Variants in RETREG1 observed in about 807,000 individuals in gnomAD.
RETREG1 encodes family with sequence similarity 134 member B.
Under a neutral mutation model 54.8 loss-of-function variants are expected in RETREG1, and 44 were observed. That is an observed-to-expected ratio of 0.80 (90% CI 0.63 to 1.03). The LOEUF (loss-of-function observed/expected upper bound fraction) is 1.03, where lower values mean the gene tolerates loss of function less well. Ranked by LOEUF, RETREG1 falls within the 50% of genes least tolerant of loss-of-function variation. RETREG1 has a pLI of 0.00. For synonymous variants in RETREG1, 217 were observed against 238.5 expected, an observed-to-expected ratio of 0.91 and a Z score of 0.83; for missense variants, 554 against 605.1, an observed-to-expected ratio of 0.92 and a Z score of 0.89.
rs145101752 is a variant in RETREG1, at chr5:16,608,275, T to C, written c.320+8377A>G. ...ACCAAACCTTTTTTAACATCTACAG[T>C]GTTTCAGATCTCATGTGGATCCGGC... On this transcript the variant is annotated intron_variant, in intron 1 of 8. Transcript: ENST00000306320. Among the ~76,000 whole-genome samples the C allele has an allele frequency of 1.7e-3, 253 of 152,196 alleles. 1 individual carries two copies. Among genetic ancestry groups the C allele is most frequent in the African/African-American group, 5.6e-3 (231 of 41,526 alleles).
intron 1 of RETREG1, among the ~76,000 whole-genome samples, chr5:16,579,843 C>T (rs1742434949): frequency 6.6e-6 from 1 of 152,170 alleles, no homozygotes; most frequent in East Asian, 1.9e-4. Context: ...TAAAATTTAT[C>T]CATTCACCTT....
chr5:16,549,309 G>A (rs1741469013), intron 3 of RETREG1, among the ~76,000 whole-genome samples: 1 of 152,116 alleles, frequency 6.6e-6, no homozygotes, highest in Non-Finnish European at 1.5e-5. Flanking sequence ...AACTTTCTAA[G>A]TGCTCTACAC....
At chr5:16,550,551 C>T (rs1424047061) in intron 3 of RETREG1, among the ~76,000 whole-genome samples, 2 of 152,218 alleles carry the variant, frequency 1.3e-5, no homozygotes, top group African/African-American at 4.8e-5. Flanking sequence ...CTACTGCAAG[C>T]TGCCAGGCTG....
intron 1 of RETREG1, among the ~76,000 whole-genome samples, chr5:16,612,472 C>G (rs534106398): frequency 1.3e-5 from 2 of 152,284 alleles, no homozygotes; most frequent in South Asian, 4.2e-4. Flanking sequence ...AATGTTTACC[C>G]TTCTGTACAT....
In RETREG1 at chr5:16,599,792, G is replaced by T. The variant is rs141400982; in HGVS notation, c.320+16860C>A. Among the ~76,000 whole-genome samples, 1,175 of 152,260 alleles carry T rather than the reference G, an allele frequency of 7.7e-3. 20 individuals carry two copies. Among genetic ancestry groups the T allele is most frequent in the African/African-American group, 0.027 (1,127 of 41,530 alleles). On this transcript the variant is annotated intron_variant, in intron 1 of 8. Transcript: ENST00000306320. ...AATCAAAAGTAAAAATACTGACAAA[G>T]ATATGCATGCATGAGGCTAAAAGCA...
intron 2 of RETREG1, among the ~76,000 whole-genome samples, chr5:16,566,612 T>C (rs1237181245): frequency 6.6e-6 from 1 of 152,248 alleles, no homozygotes; most frequent in Non-Finnish European, 1.5e-5. Context: ...TAAATCCTTC[T>C]TAACCTTTAC....
At position 16,518,472 on chromosome 5, in the gene RETREG1, G is replaced by T. The variant is rs563939519; in HGVS notation, c.459-35000C>A. On this transcript the variant is annotated intron_variant, in intron 3 of 8. Coordinates refer to ENST00000306320, the MANE Select transcript of RETREG1 (RefSeq NM_001034850.3). ...TTCTTCTGTGGCTTAGGGAAATAATGAGTATTTTCCATCTTATCCTTTTGC... is the reference window on the plus strand; with the variant it reads ...TTCTTCTGTGGCTTAGGGAAATAATTAGTATTTTCCATCTTATCCTTTTGC... Among the ~76,000 whole-genome samples the T allele has an allele frequency of 6.6e-5, 10 of 151,878 alleles. No individual in the cohort carries two copies. In the South Asian group the frequency reaches 2.1e-3, roughly 32 times the overall value.
chr5:16,537,777 CAGCATGCAGCAT>C (rs1209033189), intron 3 of RETREG1, among the ~76,000 whole-genome samples: 1 of 151,992 alleles, frequency 6.6e-6, no homozygotes, highest in Non-Finnish European at 1.5e-5. Flanking sequence ...ATGCAGCATG[CAGCATGCAGCAT>C]GCAGCACAGC....
intron 1 of RETREG1, among the ~76,000 whole-genome samples, chr5:16,602,184 C>T (rs1425957984): frequency 6.6e-6 from 1 of 152,128 alleles, no homozygotes; most frequent in Non-Finnish European, 1.5e-5. Flanking sequence ...ATCAAGAACT[C>T]GTGATAAATG....
At chr5:16,508,084 G>A (rs1381357173) in intron 3 of RETREG1, among the ~76,000 whole-genome samples, 1 of 152,176 alleles carries the variant, frequency 6.6e-6, no homozygotes, top group Non-Finnish European at 1.5e-5. Context: ...CCTGTAAAGG[G>A]AACCCAAGTA....
chr5:16,544,635 C>G (rs911324659), intron 3 of RETREG1, among the ~76,000 whole-genome samples: 4 of 152,154 alleles, frequency 2.6e-5, no homozygotes, highest in African/African-American at 4.8e-5. Context: ...TTTTTGCATA[C>G]GGGTATTAAA....
At chr5:16,548,513 A>G (rs966277713) in intron 3 of RETREG1, among the ~76,000 whole-genome samples, 2 of 152,170 alleles carry the variant, frequency 1.3e-5, no homozygotes, top group African/African-American at 2.4e-5. Context: ...ATAAATGTGC[A>G]TTGTATGACA....
intron 1 of RETREG1, among the ~76,000 whole-genome samples, chr5:16,612,080 A>AAT (rs1743359926): frequency 6.6e-6 from 1 of 150,956 alleles, no homozygotes; most frequent in Non-Finnish European, 1.5e-5. Context: ...AAAAAAAAAA[A>AAT]GGACATCACC....
chr5:16,575,461 C>A (rs756497791), intron 1 of RETREG1, among the ~76,000 whole-genome samples: 5 of 152,156 alleles, frequency 3.3e-5, no homozygotes, highest in Non-Finnish European at 5.9e-5. Context: ...TTTTCAAAAC[C>A]AATGAAATGC....
intron 3 of RETREG1, among the ~76,000 whole-genome samples, chr5:16,490,475 C>A (rs1012967179): frequency 2.0e-5 from 3 of 152,124 alleles, no homozygotes; most frequent in African/African-American, 7.2e-5. Context: ...AGTTTGTTAA[C>A]AATTCAAATA....
chr5:16,579,703 C>T (rs938605340), intron 1 of RETREG1, among the ~76,000 whole-genome samples: 2 of 152,224 alleles, frequency 1.3e-5, no homozygotes, highest in Admixed American at 1.3e-4. Flanking sequence ...GTTGTGATCA[C>T]ACAGTATGTG....
intron 1 of RETREG1, among the ~76,000 whole-genome samples, chr5:16,582,279 T>G (rs769962315): frequency 1.3e-5 from 2 of 152,226 alleles, no homozygotes; most frequent in Non-Finnish European, 2.9e-5. Flanking sequence ...TGATGATTGC[T>G]CTAAAAAAGA....
At chr5:16,552,300 C>T (rs918346115) in intron 3 of RETREG1, among the ~76,000 whole-genome samples, 2 of 152,194 alleles carry the variant, frequency 1.3e-5, no homozygotes, top group African/African-American at 2.4e-5. Flanking sequence ...TCCACACAAT[C>T]ACTTGCAAAT....
At chr5:16,578,214 A>G (rs547427914) in intron 1 of RETREG1, among the ~76,000 whole-genome samples, 1 of 152,352 alleles carries the variant, frequency 6.6e-6, no homozygotes, top group South Asian at 2.1e-4. Flanking sequence ...AATGCAGTTT[A>G]AAATGTTCAA....
Sources: allele counts gnomAD v4.1 joint callset (sites outside exome capture counted in the v4.1 genomes callset), GRCh38; gene constraint gnomAD v4.1.1; transcripts MANE v1.5; gene names NCBI Gene and HGNC (gene_info 2026-07-23, HGNC 2026-07-21).